The following DNMT1 variants were observed in gnomAD, a reference collection of about 807,000 sequenced individuals.
DNMT1 encodes the protein DNA (cytosine-5)-methyltransferase 1.
Under a neutral mutation model 205.3 loss-of-function variants are expected in DNMT1, and 24 were observed. That is an observed-to-expected ratio of 0.12 (90% CI 0.08 to 0.16). The LOEUF (loss-of-function observed/expected upper bound fraction) is 0.16, where lower values mean the gene tolerates loss of function less well. Ranked by LOEUF, DNMT1 falls within the 10% of genes least tolerant of loss-of-function variation. The pLI, the probability that DNMT1 is intolerant of heterozygous loss-of-function variation, is 1.00. For missense variants in DNMT1, 1,293 were observed against 2,177.7 expected, an observed-to-expected ratio of 0.59 and a Z score of 8.09; for synonymous variants, 817 against 839.8, an observed-to-expected ratio of 0.97 and a Z score of 0.47.
rs2038576233 is a variant in DNMT1 at position 10,161,819 on chromosome 19, TCCAA to T, written c.1008+844_1008+847del. 2.0e-5 allele frequency among the ~76,000 whole-genome samples: 3 copies of T among 152,226 alleles called. No homozygotes were observed. In the East Asian group the frequency reaches 5.8e-4, roughly 29 times the overall value. ...ATGAGGTAATAAAGGTGGGGCCCCA[TCCAA>T]TAAGACCAATGTCCTTGTATTTTTT... On this transcript the variant is annotated intron_variant, in intron 13 of 40. Coordinates refer to ENST00000359526, the MANE Select transcript of DNMT1 (RefSeq NM_001130823.3).
In DNMT1 at chr19:10,138,865, C is replaced by G. The variant is rs2089547098; in HGVS notation, c.3949-260G>C. Reference sequence around the variant, plus strand: ...ACCCTGCGGGGAAGTCCGGCCAGCTCTGAAAGCACTGCAAGGGCCCCAAGG... The same window carrying G: ...ACCCTGCGGGGAAGTCCGGCCAGCTGTGAAAGCACTGCAAGGGCCCCAAGG... On this transcript the variant is annotated intron_variant, in intron 34 of 40. Transcript: ENST00000359526. The surrounding 1 kb of genome is among the most constrained non-coding windows in gnomAD (Gnocchi z 4.1). 6.6e-6 allele frequency among the ~76,000 whole-genome samples: 1 copy of G among 152,208 alleles called. No individual in the cohort carries two copies. Among genetic ancestry groups the G allele is most frequent in the African/African-American group, 2.4e-5 (1 of 41,460 alleles).
At chr19:10,149,226 G>C (rs983570241) in intron 26 of DNMT1, among the ~76,000 whole-genome samples, 3 of 151,906 alleles carry the variant, frequency 2.0e-5, no homozygotes, top group African/African-American at 7.3e-5. Context: ...TCGGGAGGCT[G>C]AGGCAGGAGA....
chr19:10,186,014 A>G (rs1383173345), intron 1 of DNMT1, among the ~76,000 whole-genome samples: 4 of 152,068 alleles, frequency 2.6e-5, no homozygotes, highest in Non-Finnish European at 5.9e-5. Flanking sequence ...ACGCTGTGGT[A>G]ATAGCGTTAC....
At chr19:10,184,667 C>G (rs2039143267) in intron 1 of DNMT1, 1 of 152,110 alleles carries the variant, frequency 6.6e-6, no homozygotes, top group Non-Finnish European at 1.5e-5. Flanking sequence ...AATAAAGGAA[C>G]AAGAAGAGAA....
intron 12 of DNMT1, 113 bp from the exon 13 acceptor site, chr19:10,162,861 T>G (rs945171071): frequency 1.7e-6 from 2 of 1,187,840 alleles, no homozygotes; most frequent in East Asian, 4.9e-5. Flanking sequence ...AAGATACCCA[T>G]GGGAGCTCTA....
chr19:10,153,842 C>T (rs963355661), intron 22 of DNMT1, among the ~76,000 whole-genome samples: 14 of 152,162 alleles, frequency 9.2e-5, no homozygotes, highest in Admixed American at 5.9e-4. Context: ...CAAAATAGTC[C>T]TGGTCTTTGG....
chr19:10,181,317 G>C (rs541802798), intron 2 of DNMT1, among the ~76,000 whole-genome samples: 2 of 152,004 alleles, frequency 1.3e-5, no homozygotes, highest in African/African-American at 4.8e-5. Flanking sequence ...GGGCATGGTG[G>C]CTTGAGCCTG....
At chr19:10,139,512 G>A (rs758361079) in intron 34 of DNMT1, among the ~76,000 whole-genome samples, 164 bp downstream of exon 34, 5 of 152,232 alleles carry the variant, frequency 3.3e-5, no homozygotes, top group Non-Finnish European at 7.3e-5. Flanking sequence ...GGCTGAGCAC[G>A]CATCTCCCCT....
intron 1 of DNMT1, among the ~76,000 whole-genome samples, chr19:10,194,129 G>A (rs2039355671): frequency 6.6e-6 from 1 of 152,214 alleles, no homozygotes; most frequent in Non-Finnish European, 1.5e-5. Context: ...GACCAACCAT[G>A]CAGCCTTCAC....
intron 13 of DNMT1, among the ~76,000 whole-genome samples, chr19:10,160,907 TAAATCTCATAACC>T (rs1018164066): frequency 1.3e-5 from 2 of 152,090 alleles, no homozygotes; most frequent in Admixed American, 1.3e-4. Context: ...AATGAATAAA[TAAATCTCATAACC>T]AAAGACTTCC....
intron 29 of DNMT1, among the ~76,000 whole-genome samples, chr19:10,143,184 G>A (rs188557896): frequency 6.2e-4 from 95 of 152,354 alleles, no homozygotes; most frequent in Non-Finnish European, 5.1e-4. Flanking sequence ...CATAGATGGA[G>A]CTTGGGAGGT....
chr19:10,152,172 AAAAAAAAAAAAAAAAAAG>A (rs2038358819), intron 22 of DNMT1, among the ~76,000 whole-genome samples: 1 of 146,984 alleles, frequency 6.8e-6, no homozygotes, highest in African/African-American at 2.5e-5. Context: ...AAAAAAAAAA[AAAAAAAAAAAAAAAAAAG>A]GAAAAAAAAA....
chr19:10,193,567 T>C (rs1474739086), intron 1 of DNMT1, among the ~76,000 whole-genome samples: 3 of 151,816 alleles, frequency 2.0e-5, no homozygotes, highest in South Asian at 2.1e-4. Flanking sequence ...TTTTGCCTTG[T>C]TGCCCAGGCT....
intron 22 of DNMT1, among the ~76,000 whole-genome samples, chr19:10,152,139 G>A (rs1233519580): frequency 9.1e-5 from 6 of 65,962 alleles, no homozygotes; most frequent in African/African-American, 2.7e-4. Context: ...CAGCCTGGAC[G>A]ACAAGAGTAA....
Position 10,140,462 on chromosome 19 carries a change from C to A in DNMT1, c.3524-134G>T. ...TTGGCTCACTGCAAGCTCTGCCTCC[C>A]AGGTTCAAGCGATTCTCCCACCTCA... is the stretch of plus-strand genomic sequence containing the variant. On this transcript the variant is annotated intron_variant, in intron 32 of 40. Transcript: ENST00000359526. This position sits in a 1 kb window ranked among gnomAD's most constrained non-coding sequence, Gnocchi z 8.4. 7.6e-7 allele frequency: 1 copy of A among 1,319,914 alleles called. No homozygotes were observed. Among genetic ancestry groups the A allele is most frequent in the Non-Finnish European group, 1.0e-6 (1 of 956,882 alleles). 81.8% of individuals were successfully genotyped at this position (1,319,914 alleles called of 1,614,324 possible).
Position 10,142,016 on chromosome 19 carries a change from C to T in DNMT1, c.3309+12G>A. On this transcript the variant is annotated intron_variant, in intron 30 of 40. Coordinates refer to ENST00000359526, the MANE Select transcript of DNMT1 (RefSeq NM_001130823.3). Reference sequence around the variant, plus strand: ...ACCCCGAAGCCTTCCCTCTAGCAAGCAGGGGCACCACCTCGAGGAAGTAGA... The same window carrying T: ...ACCCCGAAGCCTTCCCTCTAGCAAGTAGGGGCACCACCTCGAGGAAGTAGA... The T allele has an allele frequency of 6.2e-7, 1 of 1,612,050 alleles. No individual in the cohort carries two copies. The highest frequency in any genetic ancestry group is 8.5e-7 in the Non-Finnish European group (1 of 1,178,734).
intron 39 of DNMT1, 182 bp downstream of exon 39, chr19:10,135,554 A>C (rs2089460794): frequency 1.5e-6 from 1 of 665,842 alleles, no homozygotes; most frequent in Non-Finnish European, 2.7e-6. Context: ...ATAGGGACGC[A>C]GCCTGACTCG....
chr19:10,169,386 C>CAAAAAAAAAAAA (rs61170762), intron 9 of DNMT1, among the ~76,000 whole-genome samples: 4 of 80,918 alleles, frequency 4.9e-5, no homozygotes, highest in African/African-American at 2.0e-4. Flanking sequence ...ACTAAAAATA[C>CAAAAAAAAAAAA]AAAAAAAAAA....
At chr19:10,190,149 C>G (rs1371108832) in intron 1 of DNMT1, among the ~76,000 whole-genome samples, 3 of 152,256 alleles carry the variant, frequency 2.0e-5, no homozygotes, top group African/African-American at 7.2e-5. Context: ...TTAAGGAGTT[C>G]AAGACCTAGC....
Sources: allele counts gnomAD v4.1 joint callset (sites outside exome capture counted in the v4.1 genomes callset), GRCh38; gene constraint gnomAD v4.1.1; non-coding constraint Gnocchi (gnomAD v3.1); transcripts MANE v1.5; gene names NCBI Gene and HGNC (gene_info 2026-07-23, HGNC 2026-07-21).